The following WDR17 variants were observed in gnomAD, a reference collection of about 807,000 sequenced individuals.
WDR17 encodes the protein WD repeat domain 17, also known as WD repeat-containing protein 17.
Under a neutral mutation model 161.7 loss-of-function variants are expected in WDR17, and 143 were observed. That is an observed-to-expected ratio of 0.88 (90% CI 0.77 to 1.02). The LOEUF (loss-of-function observed/expected upper bound fraction) is 1.02, where lower values mean the gene tolerates loss of function less well. WDR17 is among the 50% of genes least tolerant of loss of function. The pLI, the probability that WDR17 is intolerant of heterozygous loss-of-function variation, is 0.00. For synonymous variants in WDR17, 517 were observed against 515.6 expected (o/e 1.00, Z -0.04); for missense variants, 1,469 against 1,520.9 (o/e 0.97, Z 0.57).
intron 23 of WDR17, among the ~76,000 whole-genome samples, chr4:176,170,586 A>G (rs1203528864): frequency 6.6e-6 from 1 of 152,202 alleles, no homozygotes; most frequent in Non-Finnish European, 1.5e-5. Flanking sequence ...AAGTGTTGGC[A>G]TTACAGGCAT....
chr4:176,143,159 G>A (rs566880580), intron 11 of WDR17, among the ~76,000 whole-genome samples: 13 of 152,282 alleles, frequency 8.5e-5, no homozygotes, highest in Admixed American at 1.3e-4. Context: ...GATTACAGGC[G>A]TGAGCCACCA....
At chr4:176,171,402 G>C (rs763234523) in intron 23 of WDR17, among the ~76,000 whole-genome samples, 1 of 152,072 alleles carries the variant, frequency 6.6e-6, no homozygotes, top group Non-Finnish European at 1.5e-5. Flanking sequence ...TATAGTAGTT[G>C]CTTTGTAAAT....
At chr4:176,072,314 G>A (rs867095661) in intron 1 of WDR17, among the ~76,000 whole-genome samples, 15 of 152,268 alleles carry the variant, frequency 9.9e-5, no homozygotes, top group African/African-American at 3.4e-4. Context: ...ATTGAACTAG[G>A]CCAGTAGTTC....
intron 1 of WDR17, among the ~76,000 whole-genome samples, chr4:176,074,032 G>T (rs200684510): frequency 0.52 from 76,093 of 147,542 alleles, 20,884 homozygotes; most frequent in South Asian, 0.62. Context: ...TTGCAAAAAT[G>T]TTCTCCCATT....
chr4:176,118,540 C>T (rs1741013798), intron 3 of WDR17, among the ~76,000 whole-genome samples: 1 of 152,162 alleles, frequency 6.6e-6, no homozygotes, highest in Non-Finnish European at 1.5e-5. Flanking sequence ...TCTTGGAGCA[C>T]ATAGACTGTT....
At chr4:176,091,878 A>C (rs1736169197) in intron 1 of WDR17, among the ~76,000 whole-genome samples, 2 of 152,146 alleles carry the variant, frequency 1.3e-5, no homozygotes, top group African/African-American at 4.8e-5. Flanking sequence ...AAGGACACGC[A>C]ACCTACAAAG....
chr4:176,114,223 TC>T (rs545652045), intron 2 of WDR17, among the ~76,000 whole-genome samples: 216 of 152,212 alleles, frequency 1.4e-3, no homozygotes, highest in Non-Finnish European at 2.6e-3. Flanking sequence ...ACCTATTTAT[TC>T]CTAAATGTAT....
chr4:176,176,360 A>G (rs1287999485), intron 26 of WDR17, among the ~76,000 whole-genome samples: 3 of 152,062 alleles, frequency 2.0e-5, no homozygotes, highest in Non-Finnish European at 2.9e-5. Flanking sequence ...TGCTGCTTAT[A>G]ATTATTTTCT....
rs1740553363 is a variant in WDR17 at position 176,115,947 on chromosome 4, A to G, written c.275A>G (p.Gln92Arg). The change falls in exon 3 of 29, where the codon CAA becomes CGA. Residue 92 changes from glutamine (Q) to arginine (R), a missense_variant. Gln to Arg is a conservative substitution (Grantham distance 43). Transcript: ENST00000508596. ...GTGATCATTTGGAATGTTGCAGAACAAAAAGTCATTGCTAAACTCGACAGT... is the reference window on the plus strand; with the variant it reads ...GTGATCATTTGGAATGTTGCAGAACGAAAAGTCATTGCTAAACTCGACAGT... ...NLVIIWNVAE[Q>R]KVIAKLDSTK... The G allele has an allele frequency of 6.2e-7, 1 of 1,608,370 alleles. No individual in the cohort carries two copies. Among genetic ancestry groups the G allele is most frequent in the African/African-American group, 1.3e-5 (1 of 74,788 alleles).
intron 28 of WDR17, among the ~76,000 whole-genome samples, chr4:176,178,230 A>G (rs770289332): frequency 2.0e-5 from 3 of 152,132 alleles, no homozygotes; most frequent in Non-Finnish European, 4.4e-5. Flanking sequence ...ACTGCAAGCT[A>G]GTTTAGTCTC....
At chr4:176,145,648 G>A (rs558212221) in intron 11 of WDR17, among the ~76,000 whole-genome samples, 26 of 152,304 alleles carry the variant, frequency 1.7e-4, no homozygotes, top group Non-Finnish European at 3.5e-4. Flanking sequence ...TAAGACCTAA[G>A]TGTTGCAGAA....
chr4:176,143,320 C>T (rs1745596380), intron 11 of WDR17, among the ~76,000 whole-genome samples: 1 of 152,024 alleles, frequency 6.6e-6, no homozygotes, highest in East Asian at 1.9e-4. Flanking sequence ...CTTTTTATAT[C>T]TCACTTTCTG....
At chr4:176,077,649 C>A (rs1734224761) in intron 1 of WDR17, among the ~76,000 whole-genome samples, 1 of 151,826 alleles carries the variant, frequency 6.6e-6, no homozygotes, top group South Asian at 2.1e-4. Flanking sequence ...AGAAAATACA[C>A]TCATTTTACT....
At chr4:176,161,047 T>C (rs1748966043) in intron 20 of WDR17, 45 bp downstream of exon 20, 3 of 1,518,944 alleles carry the variant, frequency 2.0e-6, no homozygotes, top group African/African-American at 1.4e-5. Context: ...TATGGTTGTC[T>C]TCCCTTTAGG....
intron 13 of WDR17, among the ~76,000 whole-genome samples, chr4:176,149,210 A>G (rs1189473140): frequency 2.0e-5 from 3 of 151,796 alleles, no homozygotes; most frequent in Non-Finnish European, 4.4e-5. Flanking sequence ...ATTTTCATCC[A>G]TGACCATTTG....
chr4:176,141,203 G>A (rs1486634141), intron 10 of WDR17, among the ~76,000 whole-genome samples: 1 of 151,936 alleles, frequency 6.6e-6, no homozygotes, highest in Non-Finnish European at 1.5e-5. Context: ...GCAGGGGATG[G>A]GGGATCATCT....
chr4:176,177,473 C>A lies in WDR17; in HGVS notation c.3551C>A (p.Ser1184Ter). The change falls in exon 28 of 29, where the codon TCA becomes TAA. Residue 1184 changes from serine to a stop codon, truncating the protein, a stop_gained and splice_region_variant. Coordinates refer to ENST00000508596, the MANE Select transcript of WDR17 (RefSeq NM_181265.4). LOFTEE classifies it high-confidence loss of function. ...WRACTQSTNR[S>*]LEDSPYTPPS... ...TTTGATATCTGTTGAAAATATAGAT[C>A]ATTAGAAGACTCTCCGTATACACCC... 4 of 1,536,484 alleles carry A rather than the reference C, an allele frequency of 2.6e-6. No individual in the cohort carries two copies. The highest frequency in any genetic ancestry group is 2.6e-5 in the South Asian group (2 of 77,730).
At chr4:176,095,422 T>C (rs1368499598) in intron 1 of WDR17, among the ~76,000 whole-genome samples, 1 of 152,130 alleles carries the variant, frequency 6.6e-6, no homozygotes, top group Non-Finnish European at 1.5e-5. Context: ...CACTCAGATA[T>C]TATTGAAAAT....
intron 17 of WDR17, among the ~76,000 whole-genome samples, chr4:176,155,652 C>T (rs893479939): frequency 6.9e-6 from 1 of 145,108 alleles, no homozygotes; most frequent in Admixed American, 6.9e-5. Context: ...TCAAACGATC[C>T]TGTCCACTCA....
Sources: allele counts gnomAD v4.1 joint callset (sites outside exome capture counted in the v4.1 genomes callset), GRCh38; gene constraint gnomAD v4.1.1; transcripts MANE v1.5; gene names NCBI Gene and HGNC (gene_info 2026-07-23, HGNC 2026-07-21).